The following CDK6 variants were observed in gnomAD, a reference collection of about 807,000 sequenced individuals.
CDK6 encodes the protein cyclin dependent kinase 6, also known as cyclin-dependent kinase 6.
A neutral mutation model predicts 37.1 loss-of-function variants in CDK6; 6 were observed. The ratio of observed to expected loss-of-function variants is 0.16; its 90% CI spans 0.09 to 0.32. The LOEUF (loss-of-function observed/expected upper bound fraction) is 0.32, where lower values mean the gene tolerates loss of function less well. Ranked by LOEUF, CDK6 falls within the 10% of genes least tolerant of loss-of-function variation. The probability of loss-of-function intolerance (pLI) is 1.00; values close to 1 mark genes in which losing one functional copy is unlikely to be tolerated. For missense variants in CDK6, 224 were observed against 418.9 expected (o/e 0.53, Z 4.06); for synonymous variants, 160 against 161.3 (o/e 0.99, Z 0.06).
chr7:92,744,875 T>C (rs1047528723), intron 3 of CDK6, among the ~76,000 whole-genome samples: 8 of 152,154 alleles, frequency 5.3e-5, no homozygotes, highest in African/African-American at 1.7e-4. Flanking sequence ...TTTCACTCTA[T>C]AGTACACTGC....
chr7:92,814,749 G>T (rs1227131610), intron 2 of CDK6, among the ~76,000 whole-genome samples: 1 of 151,906 alleles, frequency 6.6e-6, no homozygotes, highest in African/African-American at 2.4e-5. Flanking sequence ...TAAATTTGCT[G>T]GGTGACTGAA....
At position 92,613,469 on chromosome 7, in the gene CDK6, G is replaced by A. The variant is rs1193444149; in HGVS notation, c.*1671C>T. On this transcript the variant is annotated 3_prime_UTR_variant, in exon 8 of 8. Transcript: ENST00000424848. ...TGTCCTCTGGTTACTAGAGCCAACT[G>A]AGCACTAAACCACTTATAAGGCAGA... is the stretch of plus-strand genomic sequence containing the variant. 4.3e-6 allele frequency: 1 copy of A among 233,544 alleles called. No homozygotes were observed. Among genetic ancestry groups the A allele is most frequent in the Non-Finnish European group, 8.5e-6 (1 of 118,054 alleles). The allele number at this position is 233,544 out of a possible 1,614,324, so 14.5% of individuals were successfully genotyped here.
rs1010018012 is a variant in CDK6, at chr7:92,676,126, G to GT, written c.538-4592dup. Among the ~76,000 whole-genome samples the GT allele has an allele frequency of 7.8e-4, 116 of 149,522 alleles. 2 individuals are homozygous for GT. Among genetic ancestry groups the GT allele is most frequent in the South Asian group, 1.5e-3 (7 of 4,698 alleles). The stretch of plus-strand genomic sequence containing the variant: ...CTCCTAATTTCTTTGTTGTTGTTGA[G>GT]TTTTTTTTTGAGTTAAAATTTAGCT... On this transcript the variant is annotated intron_variant, in intron 4 of 7. Transcript: ENST00000424848.
At chr7:92,775,279 G>T (rs1179506853) in intron 2 of CDK6, among the ~76,000 whole-genome samples, 4 of 152,210 alleles carry the variant, frequency 2.6e-5, no homozygotes, top group Non-Finnish European at 5.9e-5. Context: ...GGAATTTAAG[G>T]TGTCACAACC....
At chr7:92,754,705 G>C (rs1439567389) in intron 3 of CDK6, among the ~76,000 whole-genome samples, 1 of 152,148 alleles carries the variant, frequency 6.6e-6, no homozygotes, top group Admixed American at 6.5e-5. Flanking sequence ...CTGTATTTTA[G>C]AGTTTCTTTT....
chr7:92,770,319 CTTTTTTTTTTTTTT>C lies in CDK6; in HGVS notation c.369+4363_369+4376del, dbSNP rs746741500. 3.3e-5 allele frequency among the ~76,000 whole-genome samples: 3 copies of C among 90,934 alleles called. No homozygotes were observed. In the East Asian group the frequency reaches 9.9e-4, roughly 30 times the overall value. The allele number at this position is 90,934 out of a possible 152,430, so 59.7% of individuals were successfully genotyped here. A position where few individuals can be genotyped will look rare whatever the true frequency, so the allele number is the denominator to read the frequency against. On this transcript the variant is annotated intron_variant, in intron 3 of 7. Coordinates refer to ENST00000424848, the MANE Select transcript of CDK6 (RefSeq NM_001145306.2). ...AGTATGAATGTGATTTCTATGTATG[CTTTTTTTTTTTTTT>C]TTTTTTTTTAGAATAAGGTATATTT...
chr7:92,617,018 A>G (rs189859581), intron 7 of CDK6, among the ~76,000 whole-genome samples: 1 of 152,370 alleles, frequency 6.6e-6, no homozygotes, highest in East Asian at 1.9e-4. Flanking sequence ...AATTTAGTTT[A>G]ATTGCCAAAT....
intron 2 of CDK6, among the ~76,000 whole-genome samples, chr7:92,821,551 A>C (rs1026152732): frequency 2.0e-5 from 3 of 152,092 alleles, no homozygotes; most frequent in Non-Finnish European, 4.4e-5. Flanking sequence ...CCTCACCTGC[A>C]AACTTTGGTA....
intron 3 of CDK6, among the ~76,000 whole-genome samples, chr7:92,744,067 T>C (rs17164769): frequency 0.081 from 12,287 of 152,236 alleles, 695 homozygotes; most frequent in South Asian, 0.18. Context: ...TGTCCAAATC[T>C]GGGAAGTTAT....
chr7:92,691,528 T>C (rs754580406), intron 4 of CDK6, among the ~76,000 whole-genome samples: 1 of 152,338 alleles, frequency 6.6e-6, no homozygotes, highest in Middle Eastern at 3.4e-3. Flanking sequence ...TCAAAAGGAA[T>C]ATAAAATATT....
rs1488145693 is a variant in CDK6 at position 92,833,153 on chromosome 7, G to A, written c.171C>T (p.Ser57=). ...TCAGCACCGCCACCTCGCGGATGGT[G>A]GAGAGCGGCATGCCCTCCTCGCCGG... ...VQTGEEGMPL[S]TIREVAVLRH... is the part of the protein sequence containing the mutation. The change falls in exon 2 of 8, where the codon TCC becomes TCT. Residue 57 remains serine, a synonymous_variant. Transcript: ENST00000424848. The surrounding 1 kb of genome is among the most constrained non-coding windows in gnomAD (Gnocchi z 6.1). The A allele has an allele frequency of 1.1e-5, 18 of 1,609,420 alleles. No individual in the cohort carries two copies. The highest frequency in any genetic ancestry group is 1.3e-5 in the Non-Finnish European group (15 of 1,178,552).
intron 4 of CDK6, among the ~76,000 whole-genome samples, chr7:92,689,475 T>A (rs1797549834): frequency 6.6e-6 from 1 of 152,204 alleles, no homozygotes; most frequent in Non-Finnish European, 1.5e-5. Context: ...ATGTACCACA[T>A]TTTCTTTATC....
intron 6 of CDK6, among the ~76,000 whole-genome samples, chr7:92,619,344 C>T (rs982468521): frequency 9.9e-5 from 15 of 151,992 alleles, no homozygotes; most frequent in Non-Finnish European, 8.8e-5. Flanking sequence ...ACATATAGGT[C>T]GTAAGTAGGT....
chr7:92,762,967 T>C (rs1400738054), intron 3 of CDK6, among the ~76,000 whole-genome samples: 3 of 152,242 alleles, frequency 2.0e-5, no homozygotes, highest in Admixed American at 6.5e-5. Context: ...TCCTAAACAT[T>C]ATTTTATGCC....
At chr7:92,775,924 T>A (rs954541101) in intron 2 of CDK6, among the ~76,000 whole-genome samples, 1 of 152,162 alleles carries the variant, frequency 6.6e-6, no homozygotes, top group Non-Finnish European at 1.5e-5. Flanking sequence ...TAATTTTTTT[T>A]ATTATATTTT....
chr7:92,800,813 G>A (rs1245210776), intron 2 of CDK6, among the ~76,000 whole-genome samples: 3 of 152,084 alleles, frequency 2.0e-5, no homozygotes, highest in Non-Finnish European at 4.4e-5. Context: ...AAACATCTTC[G>A]ATTCAGGCAA....
intron 4 of CDK6, among the ~76,000 whole-genome samples, chr7:92,678,775 C>T (rs994460091): frequency 2.6e-5 from 4 of 152,174 alleles, no homozygotes; most frequent in African/African-American, 7.2e-5. Flanking sequence ...TAGAAATGGA[C>T]CTGTATCTGC....
chr7:92,801,470 C>T (rs1375549650), intron 2 of CDK6, among the ~76,000 whole-genome samples: 1 of 152,138 alleles, frequency 6.6e-6, no homozygotes, highest in Non-Finnish European at 1.5e-5. Context: ...CAAGCCTTAG[C>T]CCTTCTTTTT....
chr7:92,704,590 TTTC>T (rs1457696268), intron 4 of CDK6, among the ~76,000 whole-genome samples: 18 of 152,360 alleles, frequency 1.2e-4, no homozygotes, highest in Non-Finnish European at 2.4e-4. Flanking sequence ...GCTTTATAAC[TTTC>T]TTCATTTTTG....
Sources: gnomAD v4.1 joint callset for allele counts (sites outside exome capture counted in the v4.1 genomes callset) on GRCh38, gnomAD v4.1.1 for gene constraint, Gnocchi (gnomAD v3.1) non-coding constraint, MANE v1.5 for transcripts, NCBI Gene and HGNC (gene_info 2026-07-23, HGNC 2026-07-21) for gene names.